ITGAE: variants seen among roughly 807,000 people sequenced by gnomAD.
The protein encoded by ITGAE is integrin alpha-E.
Under a neutral mutation model 136.5 loss-of-function variants are expected in ITGAE, and 99 were observed. The observed-to-expected ratio is 0.73, with a 90% CI of 0.62 to 0.86. ITGAE has a LOEUF of 0.86. Ranked by LOEUF, ITGAE falls within the 40% of genes least tolerant of loss-of-function variation. The pLI, the probability that ITGAE is intolerant of heterozygous loss-of-function variation, is 0.00. For missense variants in ITGAE, 1,447 were observed against 1,515.3 expected, an observed-to-expected ratio of 0.95 and a Z score of 0.75; for synonymous variants, 613 against 591.8, an observed-to-expected ratio of 1.04 and a Z score of -0.52.
Position 3,757,149 on chromosome 17 carries a change from T to TGGGTCAGC in ITGAE, c.1021-23_1021-16dup. On this transcript the variant is annotated splice_polypyrimidine_tract_variant and intron_variant, in intron 9 of 30. Transcript: ENST00000263087. ...TCTTCTCCCACCTGCACAGACAGCC[T>TGGGTCAGC]GGGTCAGCGAGTCAGCGCTGCGTGG... 6.2e-7 allele frequency: 1 copy of TGGGTCAGC among 1,612,970 alleles called. No individual in the cohort carries two copies. Among genetic ancestry groups the TGGGTCAGC allele is most frequent in the Admixed American group, 1.7e-5 (1 of 59,922 alleles).
chr17:3,735,006 G>A (rs2051430171), intron 20 of ITGAE, 57 bp from the exon 21 acceptor site: 34 of 1,591,180 alleles, frequency 2.1e-5, no homozygotes, highest in Admixed American at 6.7e-5. Flanking sequence ...AAACCTCAAC[G>A]CAATACAATA....
At position 3,744,057 on chromosome 17, in the gene ITGAE, C is replaced by T. The variant is rs185976273; in HGVS notation, c.2320-440G>A. ...GGTCTCACTCACTCTGTCACCCAGT[C>T]TGGAGGGCAGCAGCACCATGATGGC... is the stretch of plus-strand genomic sequence containing the variant. On this transcript the variant is annotated intron_variant, in intron 18 of 30. Coordinates refer to ENST00000263087, the MANE Select transcript of ITGAE (RefSeq NM_002208.5). Among the ~76,000 whole-genome samples the T allele has an allele frequency of 3.9e-3, 589 of 150,206 alleles. 7 individuals carry two copies. The highest frequency in any genetic ancestry group is 0.013 in the African/African-American group (545 of 40,870).
chr17:3,747,090 G>A (rs1439480227), intron 17 of ITGAE, among the ~76,000 whole-genome samples: 1 of 152,210 alleles, frequency 6.6e-6, no homozygotes, highest in East Asian at 1.9e-4. Context: ...CCTGGGCTGT[G>A]AAAGCCATGC....
Position 3,727,231 on chromosome 17 carries a change from G to A in ITGAE, c.3084+688C>T, listed in dbSNP as rs937879497. On this transcript the variant is annotated intron_variant, in intron 26 of 30. Coordinates refer to ENST00000263087, the MANE Select transcript of ITGAE (RefSeq NM_002208.5). ...AGACAACTGAAAGCAAAGAGGCTGA[G>A]GCAAAGCAGAGACCAAAAAAGAGTC... is the stretch of plus-strand genomic sequence containing the variant. Among the ~76,000 whole-genome samples, 4 of 152,210 alleles carry A rather than the reference G, an allele frequency of 2.6e-5. No individual in the cohort carries two copies. In the East Asian group the frequency reaches 7.7e-4, roughly 29 times the overall value.
intron 7 of ITGAE, 103 bp downstream of exon 7, chr17:3,760,069 G>T (rs145642466): frequency 2.7e-6 from 2 of 728,180 alleles, no homozygotes; most frequent in Admixed American, 2.2e-5. Context: ...CCCAGCCCAA[G>T]TATGTGACCC....
chr17:3,760,312 G>A (rs1226483452), intron 6 of ITGAE, 25 bp from the exon 7 acceptor site: 2 of 1,436,932 alleles, frequency 1.4e-6, no homozygotes, highest in African/African-American at 1.4e-5. Context: ...CAGGTCAGGA[G>A]TGGGCATGGG....
chr17:3,777,741 C>T (rs926111990), intron 1 of ITGAE, 81 bp from the exon 2 acceptor site: 17 of 1,474,622 alleles, frequency 1.2e-5, no homozygotes, highest in Non-Finnish European at 1.5e-5. Context: ...TCATGAACCC[C>T]GTTTTACAGC....
At chr17:3,739,740 G>A in intron 20 of ITGAE, 65 bp downstream of exon 20, 1 of 1,376,736 alleles carries the variant, frequency 7.3e-7, no homozygotes, top group Non-Finnish European at 1.0e-6. Context: ...CCTAATGAAG[G>A]AATTGCCCAG....
chr17:3,776,299 C>G (rs2052538364), intron 2 of ITGAE, among the ~76,000 whole-genome samples: 1 of 152,062 alleles, frequency 6.6e-6, no homozygotes, highest in Non-Finnish European at 1.5e-5. Context: ...CTCAAATGAT[C>G]CGCCCGCCTC....
intron 21 of ITGAE, among the ~76,000 whole-genome samples, chr17:3,732,834 G>A (rs2051375551): frequency 6.6e-6 from 1 of 152,158 alleles, no homozygotes; most frequent in Non-Finnish European, 1.5e-5. Flanking sequence ...TGGCTGGAAG[G>A]CCGGCACACA....
chr17:3,746,570 C>T lies in ITGAE; in HGVS notation c.2156-643G>A, dbSNP rs184163606. The stretch of plus-strand genomic sequence containing the variant: ...TCCCGGGTTCACACCATTCTCCTGC[C>T]TCAGCCTCCCCCGTAGCTGGGACTA... On this transcript the variant is annotated intron_variant, in intron 17 of 30. Transcript: ENST00000263087. 3.9e-4 allele frequency among the ~76,000 whole-genome samples: 59 copies of T among 152,212 alleles called. 1 individual carries two copies. In the East Asian group the frequency reaches 0.011, roughly 28 times the overall value.
chr17:3,730,185 G>C (rs2051308012), intron 23 of ITGAE, among the ~76,000 whole-genome samples: 1 of 152,098 alleles, frequency 6.6e-6, no homozygotes, highest in Non-Finnish European at 1.5e-5. Context: ...GCTGGGCGCG[G>C]TGGCTCATGC....
intron 29 of ITGAE, among the ~76,000 whole-genome samples, chr17:3,719,234 T>TAAAAA (rs2050999265): frequency 1.1e-4 from 4 of 34,818 alleles, no homozygotes; most frequent in African/African-American, 4.9e-4. Flanking sequence ...AGATTCTTCC[T>TAAAAA]CAAAAAAAAA....
chr17:3,739,385 C>T (rs2051532304), intron 20 of ITGAE, among the ~76,000 whole-genome samples: 1 of 152,218 alleles, frequency 6.6e-6, no homozygotes, highest in African/African-American at 2.4e-5. Context: ...ACCTAGAGTG[C>T]TTGGCACAAA....
chr17:3,755,113 T>TCATC lies in ITGAE; in HGVS notation c.1384+3_1384+4insGATG. ...CCGCCCTCATCAGGTGGCCCCGCCCTCACCCAGGTAGCTGTACTGCGCAGC... is the reference window on the plus strand; with the variant it reads ...CCGCCCTCATCAGGTGGCCCCGCCCTCATCCACCCAGGTAGCTGTACTGCGCAGC... On this transcript the variant is annotated splice_donor_region_variant and intron_variant, in intron 12 of 30. Coordinates refer to ENST00000263087, the MANE Select transcript of ITGAE (RefSeq NM_002208.5). 6.5e-7 allele frequency: 1 copy of TCATC among 1,550,278 alleles called. No homozygotes were observed. Among genetic ancestry groups the TCATC allele is most frequent in the Admixed American group, 1.8e-5 (1 of 55,758 alleles).
chr17:3,716,750 T>C lies in ITGAE; in HGVS notation c.3382A>G (p.Ile1128Val). The change falls in exon 30 of 31, where the codon ATC becomes GTC. Residue 1128 changes from isoleucine (I) to valine (V), a missense_variant. Coordinates refer to ENST00000263087, the MANE Select transcript of ITGAE (RefSeq NM_002208.5). The part of the protein sequence containing the change: ...KDEKYHSLPI[I>V]IKGSVGGLLV... ...AGTCCACCAACGCTGCCTTTAATGA[T>C]GATAGGCAAAGAATGGTACTTCTCA... 6.2e-7 allele frequency: 1 copy of C among 1,611,814 alleles called. No individual in the cohort carries two copies. Among genetic ancestry groups the C allele is most frequent in the South Asian group, 1.1e-5 (1 of 91,020 alleles).
chr17:3,763,696 T>A (rs542830587), intron 3 of ITGAE, among the ~76,000 whole-genome samples, 173 bp downstream of exon 3: 1 of 151,854 alleles, frequency 6.6e-6, no homozygotes, highest in East Asian at 1.9e-4. Context: ...TAGGATTGGG[T>A]TGGGGTGGGA....
chr17:3,759,133 AAAC>A (rs1289792144), intron 8 of ITGAE, among the ~76,000 whole-genome samples: 1 of 129,958 alleles, frequency 7.7e-6, no homozygotes, highest in African/African-American at 2.6e-5. Flanking sequence ...TCAAAAAAAA[AAAC>A]AAAAAAAAAA....
In ITGAE at chr17:3,731,149, T is replaced by C; in HGVS notation, c.2789A>G (p.Asn930Ser). The change falls in exon 23 of 31, where the codon AAT (asparagine) becomes AGT (serine). Residue 930 changes from asparagine (N) to serine (S), a missense_variant. Asn to Ser is a conservative substitution (Grantham distance 46, BLOSUM62 1). This residue lies in a region of ITGAE where 1,031 missense variants were observed against 1,011.4 expected (regional missense o/e 1.02). Transcript: ENST00000263087. ...HVSVVWQLEE[N>S]AFPNRTADIT... The stretch of plus-strand genomic sequence containing the variant: ...GTCTGCTGTCCTGTTTGGAAAGGCA[T>C]TCTCCTCTAGCTGCCAAACGACTGA... The C allele has an allele frequency of 1.2e-6, 2 of 1,613,746 alleles. No homozygotes were observed. The highest frequency in any genetic ancestry group is 1.7e-6 in the Non-Finnish European group (2 of 1,179,774).
Sources: allele counts gnomAD v4.1 joint callset (sites outside exome capture counted in the v4.1 genomes callset), GRCh38; gene constraint gnomAD v4.1.1; regional missense constraint gnomAD v4.1.1; transcripts MANE v1.5; gene names NCBI Gene and HGNC (gene_info 2026-07-23, HGNC 2026-07-21).